OLFML1: variants seen among roughly 807,000 people sequenced by gnomAD.
The protein encoded by OLFML1 is olfactomedin like 1.
OLFML1 carries 33 observed loss-of-function variants against 37.3 expected under a neutral mutation model. That is an observed-to-expected ratio of 0.88 (90% CI 0.67 to 1.18). The LOEUF (loss-of-function observed/expected upper bound fraction) is 1.18, where lower values mean the gene tolerates loss of function less well. Ranked by LOEUF, OLFML1 falls within the 50% of genes most tolerant of loss-of-function variation. The probability of loss-of-function intolerance (pLI) is 0.00; values close to 1 mark genes in which losing one functional copy is unlikely to be tolerated. For missense variants in OLFML1, 545 were observed against 483.7 expected (o/e 1.13, Z -1.19); for synonymous variants, 186 against 181.3 (o/e 1.03, Z -0.21).
intron 2 of OLFML1, chr11:7,488,674 C>T (rs1355053149): frequency 8.1e-6 from 2 of 246,754 alleles, no homozygotes; most frequent in Non-Finnish European, 1.6e-5. Context: ...AAAAGTCAGC[C>T]CAAAGAGACT....
At chr11:7,507,459 G>A (rs10839795) in intron 2 of OLFML1, among the ~76,000 whole-genome samples, 90,009 of 151,826 alleles carry the variant, frequency 0.59, 27,015 homozygotes, top group Non-Finnish European at 0.6. Context: ...TAAGGTTCCA[G>A]GCATAGAGAT....
At chr11:7,501,865 C>G (rs1316137837) in intron 2 of OLFML1, among the ~76,000 whole-genome samples, 3 of 151,946 alleles carry the variant, frequency 2.0e-5, no homozygotes, top group Non-Finnish European at 4.4e-5. Flanking sequence ...ATTTATGAAC[C>G]CCCAACTCAC....
At position 7,510,221 on chromosome 11, in the gene OLFML1, T is replaced by C. The variant is rs1374876917; in HGVS notation, c.*33T>C. ...CAGCTGTGAGAAAGAGCACTGTGGC[T>C]TTGGCAGCTGTTCTACAGGACAGTG... On this transcript the variant is annotated 3_prime_UTR_variant, in exon 3 of 3. Transcript: ENST00000329293. 1 of 1,554,750 alleles carries C rather than the reference T, an allele frequency of 6.4e-7. No homozygotes were observed. The highest frequency in any genetic ancestry group is 1.2e-5 in the South Asian group (1 of 85,060).
At chr11:7,488,873 T>C (rs181851710) in intron 2 of OLFML1, 247 of 158,570 alleles carry the variant, frequency 1.6e-3, no homozygotes, top group South Asian at 0.01. Flanking sequence ...TGAATCACTA[T>C]TGTGTGTGCT....
At chr11:7,486,346 G>GTTA (rs1848523447) in intron 1 of OLFML1, among the ~76,000 whole-genome samples, 1 of 152,172 alleles carries the variant, frequency 6.6e-6, no homozygotes, top group Admixed American at 6.5e-5. Context: ...TATCTAAAAT[G>GTTA]TTATTATTCA....
rs141768995 is a variant in OLFML1 at position 7,510,116 on chromosome 11, G to A, written c.1137G>A (p.Gln379=). ...TCCATTACAACCCCAGAGATAAGCA[G>A]CTCTATGCCTGGAATGAAGGAAACC... ...SMIHYNPRDK[Q]LYAWNEGNQI... Residue 379 remains glutamine, a synonymous_variant, in exon 3 of 3, where the codon CAG becomes CAA. Transcript: ENST00000329293. 5 of 1,614,022 alleles carry A rather than the reference G, an allele frequency of 3.1e-6. No homozygotes were observed. In the African/African-American group the frequency reaches 4.0e-5, roughly 13 times the overall value.
intron 2 of OLFML1, among the ~76,000 whole-genome samples, chr11:7,508,304 T>G (rs1214592144): frequency 1.3e-5 from 2 of 152,182 alleles, no homozygotes; most frequent in Non-Finnish European, 2.9e-5. Context: ...CAACTGTACT[T>G]TGCTTTATAT....
intron 2 of OLFML1, among the ~76,000 whole-genome samples, chr11:7,499,866 T>A (rs1437984488): frequency 6.6e-6 from 1 of 152,110 alleles, no homozygotes; most frequent in Non-Finnish European, 1.5e-5. Flanking sequence ...ATTGACTGAT[T>A]TATTGTTTTG....
chr11:7,488,195 T>C lies in OLFML1; in HGVS notation c.198T>C (p.Asn66=), dbSNP rs1256251904. 1.2e-5 allele frequency: 19 copies of C among 1,613,672 alleles called. No individual in the cohort carries two copies. The highest frequency in any genetic ancestry group is 1.6e-5 in the Non-Finnish European group (19 of 1,179,850). The change falls in exon 2 of 3, where the codon AAT becomes AAC. Residue 66 remains asparagine (N), a synonymous_variant. Coordinates refer to ENST00000329293, the MANE Select transcript of OLFML1 (RefSeq NM_198474.4). ...YIQEFQEFSK[N]ISVMLGRCQT... is the part of the protein sequence containing the mutation. ...AAGAATTCCAAGAGTTCTCAAAAAA[T>C]ATATCTGTCATGCTGGGAAGATGTC...
intron 2 of OLFML1, among the ~76,000 whole-genome samples, chr11:7,493,589 G>A (rs56951534): frequency 0.15 from 22,708 of 152,202 alleles, 1,820 homozygotes; most frequent in African/African-American, 0.19. Flanking sequence ...CATTGGAGGC[G>A]CATGTAGAGT....
At position 7,509,547 on chromosome 11, in the gene OLFML1, G is replaced by C. The variant is rs765920263; in HGVS notation, c.568G>C (p.Ala190Pro). The change falls in exon 3 of 3, where the codon GCA becomes CCA. Residue 190 changes from alanine to proline, a missense_variant. Coordinates refer to ENST00000329293, the MANE Select transcript of OLFML1 (RefSeq NM_198474.4). ...GSRNNTVWEFANIRAFMEDNT... is the reference protein window; with the variant it reads ...GSRNNTVWEFPNIRAFMEDNT... The stretch of plus-strand genomic sequence containing the variant: ...CAGAAACAACACTGTTTGGGAATTT[G>C]CAAACATACGGGCATTCATGGAGGA... 5.0e-6 allele frequency: 8 copies of C among 1,614,088 alleles called. No individual in the cohort carries two copies. In the African/African-American group the frequency reaches 1.1e-4, roughly 22 times the overall value.
At chr11:7,509,277 A>G in intron 2 of OLFML1, 121 bp from the exon 3 acceptor site, 1 of 725,628 alleles carries the variant, frequency 1.4e-6, no homozygotes, top group Admixed American at 2.7e-5. Flanking sequence ...TAGAACTGAA[A>G]ATATTCCCCA....
chr11:7,503,442 T>G (rs1001621158), intron 2 of OLFML1, among the ~76,000 whole-genome samples: 4 of 152,176 alleles, frequency 2.6e-5, no homozygotes, highest in African/African-American at 9.7e-5. Context: ...GGCTGTAAAG[T>G]TGATAAGGAT....
At chr11:7,508,393 T>C (rs185091364) in intron 2 of OLFML1, among the ~76,000 whole-genome samples, 103 of 152,332 alleles carry the variant, frequency 6.8e-4, no homozygotes, top group Middle Eastern at 3.4e-3. Context: ...TAGAGTACTT[T>C]CCTGAAAGTG....
intron 1 of OLFML1, among the ~76,000 whole-genome samples, chr11:7,486,338 T>C (rs546265545): frequency 6.6e-6 from 1 of 152,340 alleles, no homozygotes; most frequent in South Asian, 2.1e-4. Flanking sequence ...ATGGTATGTA[T>C]CTAAAATGTT....
intron 2 of OLFML1, among the ~76,000 whole-genome samples, chr11:7,490,626 C>T (rs753216875): frequency 4.6e-5 from 7 of 152,206 alleles, no homozygotes; most frequent in Admixed American, 1.3e-4. Flanking sequence ...TATCCCCTCT[C>T]CTAGCTCTGT....
intron 2 of OLFML1, among the ~76,000 whole-genome samples, chr11:7,500,437 A>T (rs559529587): frequency 2.0e-5 from 3 of 152,198 alleles, no homozygotes; most frequent in African/African-American, 7.2e-5. Context: ...CCACACACAT[A>T]CATACACGTC....
In OLFML1 at chr11:7,486,213, A is replaced by C. The variant is rs113354311; in HGVS notation, c.129+209A>C. Among the ~76,000 whole-genome samples, 35 of 152,304 alleles carry C rather than the reference A, an allele frequency of 2.3e-4. 1 individual carries two copies. Among genetic ancestry groups the C allele is most frequent in the African/African-American group, 8.2e-4 (34 of 41,574 alleles). On this transcript the variant is annotated intron_variant, in intron 1 of 2. Transcript: ENST00000329293. ...ACTTCCAGACCTTAAGCACAGTTGC[A>C]CTTTGTGCTCTGATTTGGCAGTTTG...
intron 1 of OLFML1, 114 bp from the exon 2 acceptor site, chr11:7,488,013 C>T: frequency 1.2e-5 from 8 of 684,794 alleles, no homozygotes; most frequent in South Asian, 6.6e-5. Context: ...TCAATTTTTC[C>T]CCTATTTGAT....
Sources: gnomAD v4.1 joint callset for allele counts (sites outside exome capture counted in the v4.1 genomes callset) on GRCh38, gnomAD v4.1.1 for gene constraint, MANE v1.5 for transcripts, NCBI Gene and HGNC (gene_info 2026-07-23, HGNC 2026-07-21) for gene names.